ZFP64: variants seen among roughly 807,000 people sequenced by gnomAD.
ZFP64 encodes zinc finger protein 64.
ZFP64 carries 14 observed loss-of-function variants against 51.6 expected under a neutral mutation model. The ratio of observed to expected loss-of-function variants is 0.27; its 90% CI spans 0.18 to 0.42. The LOEUF is 0.42. ZFP64 is among the 10% of genes least tolerant of loss of function. The pLI is 1.00. For missense variants in ZFP64, 754 were observed against 906.8 expected (o/e 0.83, Z 2.16); for synonymous variants, 375 against 361.4 (o/e 1.04, Z -0.43).
intron 5 of ZFP64, chr20:52,104,700 C>T (rs539236518): frequency 2.1e-6 from 1 of 476,712 alleles, no homozygotes; most frequent in Non-Finnish European, 4.3e-6. Context: ...CTCGAACGTC[C>T]GCTCCTCGGT....
At chr20:52,129,567 A>C (rs1979621761) in intron 5 of ZFP64, among the ~76,000 whole-genome samples, 1 of 151,958 alleles carries the variant, frequency 6.6e-6, no homozygotes. Context: ...TAGAATGCTC[A>C]TTTCCCTCAC....
intron 5 of ZFP64, among the ~76,000 whole-genome samples, chr20:52,133,584 A>C (rs1405734553): frequency 6.6e-6 from 1 of 152,236 alleles, no homozygotes; most frequent in African/African-American, 2.4e-5. Context: ...TCTGAAAAAG[A>C]AAATTTAAAA....
At chr20:52,178,078 C>T (rs1024588137) in intron 2 of ZFP64, among the ~76,000 whole-genome samples, 1 of 151,742 alleles carries the variant, frequency 6.6e-6, no homozygotes, top group Non-Finnish European at 1.5e-5. Flanking sequence ...AAAGAGCAAC[C>T]GAAAGCATCT....
chr20:52,170,313 G>T (rs1431335020), intron 2 of ZFP64, among the ~76,000 whole-genome samples: 3 of 151,632 alleles, frequency 2.0e-5, no homozygotes, highest in African/African-American at 7.3e-5. Context: ...TTAGCCAGGC[G>T]TGGTGGTGCG....
chr20:52,106,425 C>A (rs1039184044), intron 5 of ZFP64, among the ~76,000 whole-genome samples: 2 of 152,074 alleles, frequency 1.3e-5, no homozygotes, highest in Non-Finnish European at 2.9e-5. Flanking sequence ...CCCAGCCAGG[C>A]TCATCTCCGA....
At chr20:52,119,865 G>T (rs1979091914) in intron 5 of ZFP64, among the ~76,000 whole-genome samples, 1 of 152,092 alleles carries the variant, frequency 6.6e-6, no homozygotes, top group Non-Finnish European at 1.5e-5. Context: ...TAAGGTGAAG[G>T]AGTTGGGTGG....
chr20:52,162,980 G>C (rs915330568), intron 4 of ZFP64, among the ~76,000 whole-genome samples: 3 of 150,502 alleles, frequency 2.0e-5, no homozygotes, highest in Non-Finnish European at 3.0e-5. Context: ...GCTAACTGTA[G>C]AAGATATTTT....
intron 1 of ZFP64, among the ~76,000 whole-genome samples, 193 bp from the exon 2 acceptor site, chr20:52,187,264 A>G (rs1248339001): frequency 1.3e-5 from 2 of 152,100 alleles, no homozygotes; most frequent in African/African-American, 2.4e-5. Context: ...ATATTTCCAC[A>G]CAGAGATTTC....
intron 5 of ZFP64, among the ~76,000 whole-genome samples, chr20:52,118,853 G>C (rs1305538362): frequency 6.6e-6 from 1 of 150,794 alleles, no homozygotes; most frequent in East Asian, 1.9e-4. Context: ...AGGTAAAGAA[G>C]TGAAGTAGGT....
intron 5 of ZFP64, among the ~76,000 whole-genome samples, chr20:52,120,719 C>G (rs1417422123): frequency 3.8e-5 from 5 of 131,738 alleles, no homozygotes; most frequent in Admixed American, 2.7e-4. Flanking sequence ...CTCTGTCACC[C>G]AGGCTGGAGT....
chr20:52,132,605 T>C (rs930726798), intron 5 of ZFP64, among the ~76,000 whole-genome samples: 1 of 152,126 alleles, frequency 6.6e-6, no homozygotes, highest in Non-Finnish European at 1.5e-5. Flanking sequence ...TTGGAAAATC[T>C]AGATGAAATG....
Position 52,191,590 on chromosome 20 carries a change from C to G in ZFP64, c.46+1G>C. 1 of 1,587,942 alleles carries G rather than the reference C, an allele frequency of 6.3e-7. No homozygotes were observed. Among genetic ancestry groups the G allele is most frequent in the Middle Eastern group, 1.7e-4 (1 of 6,002 alleles). ...CGCACTGCTCCCGGAAAAGCACTTA[C>G]TTTGCACCGAGCCCGCGAAGCTCTC... On this transcript the variant is annotated splice_donor_variant, in intron 1 of 5. Transcript: ENST00000216923. LOFTEE classifies it high-confidence loss of function. The surrounding 1 kb of genome is among the most constrained non-coding windows in gnomAD (Gnocchi z 4.3).
chr20:52,108,803 C>G (rs1161825765), intron 5 of ZFP64, among the ~76,000 whole-genome samples: 2 of 151,270 alleles, frequency 1.3e-5, no homozygotes, highest in African/African-American at 4.9e-5. Context: ...GCCACTGCGC[C>G]CGGCCATCAT....
At chr20:52,165,733 G>C in intron 3 of ZFP64, 131 bp downstream of exon 3, 1 of 1,219,292 alleles carries the variant, frequency 8.2e-7, no homozygotes, top group East Asian at 2.4e-5. Context: ...AAATGCCAGG[G>C]GGCTCTGATT....
At chr20:52,134,037 A>G (rs6091456) in intron 5 of ZFP64, among the ~76,000 whole-genome samples, 17 of 101,004 alleles carry the variant, frequency 1.7e-4, no homozygotes, top group Admixed American at 3.1e-4. Context: ...TCAAAAAAAA[A>G]AAAAAAAAAA....
At position 52,085,187 on chromosome 20, in the gene ZFP64, G is replaced by A. The variant is rs751238533; in HGVS notation, c.1308C>T (p.His436=). Residue 436 remains histidine, a synonymous_variant, in exon 9 of 9, where the codon CAC becomes CAT. Transcript: ENST00000361387. The surrounding 1 kb of genome is among the most constrained non-coding windows in gnomAD (Gnocchi z 4.3). ...CGCACTTGAAAGGCTTCTCCCCCGA[G>A]TGCACGATCATGTGCCTTTTCAAGT... The A allele has an allele frequency of 6.2e-7, 1 of 1,614,224 alleles. No individual in the cohort carries two copies. Among genetic ancestry groups the A allele is most frequent in the Non-Finnish European group, 8.5e-7 (1 of 1,180,042 alleles).
chr20:52,119,600 T>C (rs13037474), intron 5 of ZFP64, among the ~76,000 whole-genome samples: 13 of 96,428 alleles, frequency 1.3e-4, no homozygotes, highest in South Asian at 2.7e-4. Flanking sequence ...CACACACACA[T>C]ATAAACACAA....
chr20:52,175,875 C>CCAAAAAA, intron 2 of ZFP64: 1 of 965,666 alleles, frequency 1.0e-6, no homozygotes, highest in Non-Finnish European at 1.2e-6. Flanking sequence ...CCCCCGCCCC[C>CCAAAAAA]AAAATAATTC....
chr20:52,143,967 A>T (rs1980394393), intron 5 of ZFP64, among the ~76,000 whole-genome samples: 1 of 143,390 alleles, frequency 7.0e-6, no homozygotes, highest in Non-Finnish European at 1.6e-5. Flanking sequence ...GATACTGACC[A>T]GTTTTGGATC....
Sources: gnomAD v4.1 joint callset for allele counts (sites outside exome capture counted in the v4.1 genomes callset) on GRCh38, gnomAD v4.1.1 for gene constraint, Gnocchi (gnomAD v3.1) non-coding constraint, MANE v1.5 for transcripts, NCBI Gene and HGNC (gene_info 2026-07-23, HGNC 2026-07-21) for gene names.